The following CDYL variants were observed in gnomAD, a reference collection of about 807,000 sequenced individuals.
The protein encoded by CDYL is chromodomain Y-like protein.
CDYL carries 8 observed loss-of-function variants against 47.3 expected under a neutral mutation model. That is an observed-to-expected ratio of 0.17 (90% CI 0.10 to 0.31). The LOEUF (loss-of-function observed/expected upper bound fraction) is 0.31. CDYL is among the 10% of genes least tolerant of loss of function. The pLI is 1.00. For synonymous variants in CDYL, 266 were observed against 265.0 expected, an observed-to-expected ratio of 1.00 and a Z score of -0.04; for missense variants, 471 against 701.4, an observed-to-expected ratio of 0.67 and a Z score of 3.71.
At chr6:4,886,993 A>G (rs1045740873) in intron 1 of CDYL, among the ~76,000 whole-genome samples, 1 of 152,218 alleles carries the variant, frequency 6.6e-6, no homozygotes, top group Non-Finnish European at 1.5e-5. Context: ...GTGTTGTCCA[A>G]AATATTTGAC....
At chr6:4,803,355 C>T (rs1200596777) in intron 1 of CDYL, among the ~76,000 whole-genome samples, 1 of 152,184 alleles carries the variant, frequency 6.6e-6, no homozygotes, top group Non-Finnish European at 1.5e-5. Context: ...CCTTTCCAGT[C>T]ACTTAGTTTT....
intron 1 of CDYL, among the ~76,000 whole-genome samples, chr6:4,779,976 C>A (rs60731840): frequency 0.17 from 25,308 of 152,018 alleles, 2,739 homozygotes; most frequent in African/African-American, 0.31. Context: ...CAATCACTTA[C>A]AAATGTAAAA....
In CDYL at chr6:4,740,063, A is replaced by T. The variant is rs1292520529; in HGVS notation, c.186+5219A>T. ...TTGTACTTTCCTATACTTTAAAAAAATTTTCCCAAAAAAAGCAGTACATGT... is the reference window on the plus strand; with the variant it reads ...TTGTACTTTCCTATACTTTAAAAAATTTTTCCCAAAAAAAGCAGTACATGT... On this transcript the variant is annotated intron_variant, in intron 3 of 8. Coordinates refer to the CDYL transcript ENST00000328908. 2.6e-5 allele frequency among the ~76,000 whole-genome samples: 4 copies of T among 152,302 alleles called. No individual in the cohort carries two copies. The South Asian group carries it at 8.3e-4, about 32-fold the overall frequency.
chr6:4,827,100 A>G (rs186430432), intron 1 of CDYL, among the ~76,000 whole-genome samples: 360 of 152,192 alleles, frequency 2.4e-3, no homozygotes, highest in Non-Finnish European at 4.2e-3. Context: ...GTTTTGTCTG[A>G]TATTAGTGTA....
chr6:4,897,338 C>T (rs1762313163), intron 2 of CDYL, among the ~76,000 whole-genome samples: 1 of 152,170 alleles, frequency 6.6e-6, no homozygotes, highest in African/African-American at 2.4e-5. Context: ...AGGAAAATGA[C>T]TGAGGAAATA....
chr6:4,744,677 A>G (rs577326957), intron 3 of CDYL, among the ~76,000 whole-genome samples: 56 of 152,328 alleles, frequency 3.7e-4, no homozygotes, highest in African/African-American at 1.3e-3. Flanking sequence ...CTTATGAGGT[A>G]GATACTACTA....
chr6:4,836,323 T>C, intron 1 of CDYL: 1 of 916,878 alleles, frequency 1.1e-6, no homozygotes, highest in Non-Finnish European at 1.3e-6. Context: ...GTTTTAATTA[T>C]TTATTTTATA....
intron 1 of CDYL, among the ~76,000 whole-genome samples, chr6:4,806,092 C>T (rs1323893455): frequency 1.3e-5 from 2 of 152,234 alleles, no homozygotes; most frequent in African/African-American, 2.4e-5. Flanking sequence ...GCCGCAGGGA[C>T]GCAAGACCTG....
intron 1 of CDYL, among the ~76,000 whole-genome samples, chr6:4,807,591 C>CTTTTTTTTTTTTTTTTTTTTTTTTTTTTT (rs70974139): frequency 2.3e-5 from 1 of 42,898 alleles, no homozygotes; most frequent in African/African-American, 8.9e-5. Flanking sequence ...TCATTCATGT[C>CTTTTTTTTTTTTTTTTTTTTTTTTTTTTT]TTTTTTTTTT....
intron 1 of CDYL, among the ~76,000 whole-genome samples, chr6:4,816,516 T>TTA (rs1759681513): frequency 6.8e-6 from 1 of 146,314 alleles, no homozygotes; most frequent in African/African-American, 2.7e-5. Flanking sequence ...TTTTTTTTTT[T>TTA]AATGGAGTCT....
At chr6:4,781,533 T>C (rs1387847546) in intron 1 of CDYL, among the ~76,000 whole-genome samples, 2 of 152,238 alleles carry the variant, frequency 1.3e-5, no homozygotes, top group Non-Finnish European at 2.9e-5. Context: ...TCTTAAATGC[T>C]CTTTTTCCTG....
chr6:4,735,006 G>A (rs561581319), intron 3 of CDYL, among the ~76,000 whole-genome samples: 1 of 152,166 alleles, frequency 6.6e-6, no homozygotes, highest in African/African-American at 2.4e-5. Context: ...GATGTTTTTG[G>A]CCGGGCACAG....
Position 4,937,561 on chromosome 6 carries a change from T to C in CDYL, c.949-4T>C, listed in dbSNP as rs1758236395. ...TTGCCACTTTAACTTCTGGTGACTT[T>C]CAGGTAATGAGAGAAGTCCAGAGTG... is the stretch of plus-strand genomic sequence containing the variant. On this transcript the variant is annotated splice_polypyrimidine_tract_variant and splice_region_variant and intron_variant, in intron 3 of 6. Transcript: ENST00000397588. 3 of 1,527,536 alleles carry C rather than the reference T, an allele frequency of 2.0e-6. No individual in the cohort carries two copies. The highest frequency in any genetic ancestry group is 2.6e-6 in the Non-Finnish European group (3 of 1,138,840). 94.6% of individuals were successfully genotyped at this position (1,527,536 alleles called of 1,614,324 possible).
intron 1 of CDYL, among the ~76,000 whole-genome samples, chr6:4,795,153 T>TAA (rs144456009): frequency 2.1e-4 from 31 of 148,898 alleles, no homozygotes; most frequent in Middle Eastern, 3.4e-3. Context: ...TGCTCTTTTT[T>TAA]AAAAAAAAAA....
chr6:4,929,138 C>G (rs1203332627), intron 2 of CDYL, among the ~76,000 whole-genome samples: 1 of 152,120 alleles, frequency 6.6e-6, no homozygotes, highest in Non-Finnish European at 1.5e-5. Context: ...CTGGTACAAA[C>G]TCTCTCAGCT....
At chr6:4,938,185 A>G (rs931190081) in intron 4 of CDYL, among the ~76,000 whole-genome samples, 4 of 151,810 alleles carry the variant, frequency 2.6e-5, no homozygotes, top group African/African-American at 9.7e-5. Context: ...ATGATGAGAT[A>G]GCTCCGTAAC....
chr6:4,869,811 T>C (rs774234482), intron 1 of CDYL, among the ~76,000 whole-genome samples: 2 of 152,210 alleles, frequency 1.3e-5, no homozygotes, highest in Non-Finnish European at 2.9e-5. Flanking sequence ...TTGTAATTAA[T>C]GCTTTATACA....
chr6:4,775,957 A>T (rs1758427722), upstream of CDYL, among the ~76,000 whole-genome samples: 1 of 148,770 alleles, frequency 6.7e-6, no homozygotes, highest in African/African-American at 2.4e-5. The surrounding 1 kb of genome is among the most constrained non-coding windows in gnomAD (Gnocchi z 7.0). Context: ...GCTCGCTCGC[A>T]TGGTTCCCTG....
At chr6:4,792,998 C>T (rs1758967349) in intron 1 of CDYL, among the ~76,000 whole-genome samples, 1 of 152,164 alleles carries the variant, frequency 6.6e-6, no homozygotes, top group Non-Finnish European at 1.5e-5. Context: ...GCAGTTTCTT[C>T]TGTTCAATTG....
Sources: allele counts gnomAD v4.1 joint callset (sites outside exome capture counted in the v4.1 genomes callset), GRCh38; gene constraint gnomAD v4.1.1; non-coding constraint Gnocchi (gnomAD v3.1); transcripts MANE v1.5; gene names NCBI Gene and HGNC (gene_info 2026-07-23, HGNC 2026-07-21).